The following UBE2K variants were observed in gnomAD, a reference collection of about 807,000 sequenced individuals.
The protein encoded by UBE2K is ubiquitin conjugating enzyme E2 K.
Under a neutral mutation model 30.0 loss-of-function variants are expected in UBE2K, and 6 were observed. The ratio of observed to expected loss-of-function variants is 0.20; its 90% confidence interval spans 0.11 to 0.39. The LOEUF (loss-of-function observed/expected upper bound fraction) is 0.39, where lower values mean the gene tolerates loss of function less well. Among genes scored for constraint, UBE2K ranks in the 10% least tolerant of loss-of-function variants. The pLI, the probability that UBE2K is intolerant of heterozygous loss-of-function variation, is 1.00. For missense variants in UBE2K, 61 were observed against 241.6 expected (o/e 0.25, Z 4.96); for synonymous variants, 86 against 83.7 (o/e 1.03, Z -0.15).
chr4:39,767,934 T>C (rs1325997539), intron 4 of UBE2K, among the ~76,000 whole-genome samples: 1 of 152,176 alleles, frequency 6.6e-6, no homozygotes. Context: ...AGAAAGTCCA[T>C]TGGAAAATTA....
rs547825535 is a variant in UBE2K at position 39,711,994 on chromosome 4, T to C, written c.63+13604T>C. Among the ~76,000 whole-genome samples the C allele has an allele frequency of 2.0e-4, 31 of 151,292 alleles. 1 individual carries two copies. Among genetic ancestry groups the C allele is most frequent in the Non-Finnish European group, 4.6e-4 (31 of 67,786 alleles). On this transcript the variant is annotated intron_variant, in intron 1 of 6. Transcript: ENST00000261427. ...AGGCAGAGGTTGCATTAAGCCGAGATTGCGCCATTGCATTCCATCCTGGGC... is the reference window on the plus strand; with the variant it reads ...AGGCAGAGGTTGCATTAAGCCGAGACTGCGCCATTGCATTCCATCCTGGGC...
At chr4:39,741,214 T>G (rs1433119268) in intron 2 of UBE2K, among the ~76,000 whole-genome samples, 1 of 151,890 alleles carries the variant, frequency 6.6e-6, no homozygotes, top group Non-Finnish European at 1.5e-5. Context: ...GAGGTTGCAG[T>G]GAGCTGAGAT....
At chr4:39,745,386 T>C (rs1356964753) in intron 2 of UBE2K, among the ~76,000 whole-genome samples, 1 of 152,116 alleles carries the variant, frequency 6.6e-6, no homozygotes, top group East Asian at 1.9e-4. Flanking sequence ...CTGACCCTTT[T>C]GTTGTTGTTG....
intron 1 of UBE2K, among the ~76,000 whole-genome samples, chr4:39,702,069 T>C (rs554966216): frequency 5.9e-5 from 9 of 152,060 alleles, no homozygotes; most frequent in Non-Finnish European, 1.3e-4. Flanking sequence ...CCAGATTTAC[T>C]TGAATTTCAA....
chr4:39,735,345 A>G (rs950929629), intron 1 of UBE2K, among the ~76,000 whole-genome samples: 1 of 151,832 alleles, frequency 6.6e-6, no homozygotes, highest in African/African-American at 2.4e-5. Context: ...GAGTAGCAGG[A>G]CTACAGGTGT....
At chr4:39,724,710 C>G (rs907613094) in intron 1 of UBE2K, among the ~76,000 whole-genome samples, 1 of 149,138 alleles carries the variant, frequency 6.7e-6, no homozygotes, top group African/African-American at 2.5e-5. Flanking sequence ...GCAAAAGTTG[C>G]AATGAGCTGA....
chr4:39,737,349 T>A, intron 1 of UBE2K, 71 bp from the exon 2 acceptor site: 1 of 877,184 alleles, frequency 1.1e-6, no homozygotes. Flanking sequence ...GTTTCAAGAT[T>A]TTTTATAGGT....
At chr4:39,698,417 C>T in intron 1 of UBE2K, 27 bp downstream of exon 1, 4 of 1,598,104 alleles carry the variant, frequency 2.5e-6, no homozygotes, top group Admixed American at 1.7e-5. Context: ...CGGATATCCC[C>T]CACCTCTGCC....
intron 2 of UBE2K, among the ~76,000 whole-genome samples, chr4:39,738,619 C>G (rs1253739206): frequency 6.6e-6 from 1 of 152,160 alleles, no homozygotes. Context: ...GTAGCTAGTA[C>G]TACAGGTGCA....
chr4:39,746,651 A>G (rs1721003617), intron 3 of UBE2K, among the ~76,000 whole-genome samples: 1 of 151,884 alleles, frequency 6.6e-6, no homozygotes, highest in Admixed American at 6.6e-5. Context: ...TACCACTTCC[A>G]CCCACAATGT....
At chr4:39,754,152 A>C (rs1019659791) in intron 3 of UBE2K, among the ~76,000 whole-genome samples, 2 of 152,200 alleles carry the variant, frequency 1.3e-5, no homozygotes, top group African/African-American at 2.4e-5. Context: ...TTGGTGCGGA[A>C]AATAAATTGG....
At chr4:39,771,358 C>T (rs1021651840) in intron 4 of UBE2K, 5 of 1,612,592 alleles carry the variant, frequency 3.1e-6, no homozygotes, top group African/African-American at 2.7e-5. Flanking sequence ...CTCCTCTGCC[C>T]GGAGCTTGTT....
intron 1 of UBE2K, 40 bp from the exon 2 acceptor site, chr4:39,737,380 T>C (rs557820136): frequency 3.0e-6 from 4 of 1,341,266 alleles, no homozygotes; most frequent in African/African-American, 1.5e-5. Context: ...GCGTTTTTCT[T>C]GCTGACATAA....
rs886211845 is a variant in UBE2K, at chr4:39,718,949, C to T, written c.64-18471C>T. 9.9e-4 allele frequency among the ~76,000 whole-genome samples: 150 copies of T among 152,252 alleles called. 1 individual carries two copies. The highest frequency in any genetic ancestry group is 9.6e-3 in the Admixed American group (147 of 15,288). ...CTCGGCCATCCCAGGAAGGGGCTCC[C>T]ACAGTGCAGCGGTGGGCTGAAGGGC... On this transcript the variant is annotated intron_variant, in intron 1 of 6. Transcript: ENST00000261427.
intron 1 of UBE2K, among the ~76,000 whole-genome samples, chr4:39,735,588 A>G (rs1451793893): frequency 6.6e-6 from 1 of 152,120 alleles, no homozygotes; most frequent in Non-Finnish European, 1.5e-5. Flanking sequence ...TCACCGTGTT[A>G]GCCAGGATGG....
chr4:39,771,830 CTT>C (rs1412927931), intron 4 of UBE2K, among the ~76,000 whole-genome samples: 1 of 151,974 alleles, frequency 6.6e-6, no homozygotes, highest in Admixed American at 6.6e-5. Context: ...TTGGCAATAA[CTT>C]AACTTTTTGG....
At chr4:39,712,123 C>T (rs13122400) in intron 1 of UBE2K, among the ~76,000 whole-genome samples, 73,128 of 145,276 alleles carry the variant, frequency 0.5, 19,501 homozygotes, top group East Asian at 0.63. Flanking sequence ...TACTTGAAAC[C>T]GCCCCCCCTT....
chr4:39,768,852 GGTTT>G (rs969308413), intron 4 of UBE2K, among the ~76,000 whole-genome samples: 20 of 152,088 alleles, frequency 1.3e-4, no homozygotes, highest in African/African-American at 4.6e-4. Context: ...ATCTCATTTT[GGTTT>G]GTTTTTTATT....
intron 4 of UBE2K, chr4:39,771,496 T>C: frequency 6.8e-7 from 1 of 1,472,820 alleles, no homozygotes; most frequent in Non-Finnish European, 9.0e-7. Flanking sequence ...TAATCCCCTA[T>C]TTTCCCCACC....
Sources: gnomAD v4.1 joint callset for allele counts (sites outside exome capture counted in the v4.1 genomes callset) on GRCh38, gnomAD v4.1.1 for gene constraint, MANE v1.5 for transcripts, NCBI Gene and HGNC (gene_info 2026-07-23, HGNC 2026-07-21) for gene names.